GTF2E2: variants seen among roughly 807,000 people sequenced by gnomAD.
The protein encoded by GTF2E2 is general transcription factor IIE subunit 2.
GTF2E2 carries 21 observed loss-of-function variants against 40.5 expected under a neutral mutation model. The observed-to-expected ratio is 0.52, with a 90% CI of 0.37 to 0.75. The LOEUF (loss-of-function observed/expected upper bound fraction) is 0.75, where lower values mean the gene tolerates loss of function less well. GTF2E2 is among the 30% of genes least tolerant of loss of function. GTF2E2 has a pLI of 0.00. For missense variants in GTF2E2, 298 were observed against 338.4 expected (o/e 0.88, Z 0.94); for synonymous variants, 117 against 121.6 (o/e 0.96, Z 0.25).
chr8:30,582,020 A>T (rs930844982), intron 6 of GTF2E2, among the ~76,000 whole-genome samples: 1 of 152,120 alleles, frequency 6.6e-6, no homozygotes, highest in East Asian at 1.9e-4. Flanking sequence ...TTTAAAATTT[A>T]TTTATTTTTG....
intron 3 of GTF2E2, among the ~76,000 whole-genome samples, chr8:30,632,808 T>C (rs185352101): frequency 1.9e-4 from 29 of 152,296 alleles, no homozygotes; most frequent in African/African-American, 6.3e-4. Context: ...ACAGAAGCAT[T>C]AACTAATGGA....
At chr8:30,623,925 G>A (rs1305945583) in intron 3 of GTF2E2, among the ~76,000 whole-genome samples, 1 of 151,738 alleles carries the variant, frequency 6.6e-6, no homozygotes. Context: ...TTTGTCAGAT[G>A]AGTAGATTGG....
At chr8:30,621,201 C>A (rs1238522827) in intron 3 of GTF2E2, among the ~76,000 whole-genome samples, 2 of 151,912 alleles carry the variant, frequency 1.3e-5, no homozygotes, top group Admixed American at 6.6e-5. Flanking sequence ...CCAACCTAAC[C>A]TGGAAAATAA....
chr8:30,640,413 AAAATGGGAGTAAACATATC>A (rs1206110700), intron 2 of GTF2E2, among the ~76,000 whole-genome samples: 1 of 152,094 alleles, frequency 6.6e-6, no homozygotes, highest in African/African-American at 2.4e-5. Context: ...TAAACATATC[AAAATGGGAGTAAACATATC>A]AAATGGGAGT....
intron 6 of GTF2E2, among the ~76,000 whole-genome samples, chr8:30,595,174 G>A (rs898569133): frequency 1.3e-5 from 2 of 152,086 alleles, no homozygotes; most frequent in African/African-American, 4.8e-5. Context: ...GCCTAGCTTA[G>A]AGTAAGTCAT....
At position 30,622,648 on chromosome 8, in the gene GTF2E2, G is replaced by A. The variant is rs570604323; in HGVS notation, c.259-7933C>T. 2.6e-5 allele frequency among the ~76,000 whole-genome samples: 4 copies of A among 152,122 alleles called. No individual in the cohort carries two copies. The East Asian group carries it at 7.7e-4, about 29-fold the overall frequency. ...CCTGGGAGCACTATGGGAGACTGGG[G>A]CTTATTTCATCCCTACAGCTCGACC... is the stretch of plus-strand genomic sequence containing the variant. On this transcript the variant is annotated intron_variant, in intron 3 of 7. Coordinates refer to ENST00000355904, the MANE Select transcript of GTF2E2 (RefSeq NM_002095.6).
chr8:30,644,587 C>G (rs990336503), intron 2 of GTF2E2: 1 of 152,134 alleles, frequency 6.6e-6, no homozygotes, highest in African/African-American at 2.4e-5. Flanking sequence ...GAAGAATCCA[C>G]AAGGCTAATG....
chr8:30,580,654 C>T (rs139974664), intron 6 of GTF2E2, among the ~76,000 whole-genome samples: 93 of 152,254 alleles, frequency 6.1e-4, no homozygotes, highest in African/African-American at 1.9e-3. Flanking sequence ...ACAATGAAGC[C>T]GCCCTGCTTT....
chr8:30,632,102 C>A (rs1007746322), intron 3 of GTF2E2, among the ~76,000 whole-genome samples: 5 of 152,238 alleles, frequency 3.3e-5, no homozygotes, highest in Middle Eastern at 6.8e-3. Context: ...AGAGTTAAGA[C>A]CCTGTCTCAA....
intron 4 of GTF2E2, among the ~76,000 whole-genome samples, chr8:30,613,334 T>C (rs1183866915): frequency 6.6e-5 from 10 of 152,230 alleles, no homozygotes; most frequent in African/African-American, 2.4e-4. Context: ...ACCTATAATG[T>C]CAGCTTGAGA....
At chr8:30,638,389 A>G (rs1193833543) in intron 2 of GTF2E2, among the ~76,000 whole-genome samples, 1 of 152,202 alleles carries the variant, frequency 6.6e-6, no homozygotes. Context: ...ACAAATTCCT[A>G]TATAGGAATT....
chr8:30,630,903 C>A (rs1008048376), intron 3 of GTF2E2, among the ~76,000 whole-genome samples: 16 of 152,058 alleles, frequency 1.1e-4, no homozygotes, highest in Admixed American at 5.2e-4. Flanking sequence ...CAACCATTCC[C>A]CCTACACCCC....
At chr8:30,587,425 A>G (rs1828713359) in intron 6 of GTF2E2, among the ~76,000 whole-genome samples, 1 of 151,894 alleles carries the variant, frequency 6.6e-6, no homozygotes, top group African/African-American at 2.4e-5. Context: ...AAAAAGAAAA[A>G]AAAATTATAT....
rs747963700 is a variant in GTF2E2 at position 30,635,014 on chromosome 8, T to G, written c.258+18A>C. ...AAAAAGTTAAATAGGACTTTTGCTA[T>G]CTGAGAAAAGTACTTACCTTCATGT... On this transcript the variant is annotated intron_variant, in intron 3 of 7. Transcript: ENST00000355904. 1.4e-6 allele frequency: 2 copies of G among 1,379,422 alleles called. No individual in the cohort carries two copies. The highest frequency in any genetic ancestry group is 3.7e-5 in the Admixed American group (2 of 54,110). The allele number at this position is 1,379,422 out of a possible 1,614,324, so 85.4% of individuals were successfully genotyped here. A position where few individuals can be genotyped will look rare whatever the true frequency, so the allele number is the denominator to read the frequency against.
intron 6 of GTF2E2, among the ~76,000 whole-genome samples, chr8:30,592,061 T>C (rs1828865621): frequency 6.6e-6 from 1 of 152,184 alleles, no homozygotes; most frequent in Admixed American, 6.5e-5. Context: ...GATTTCCTCC[T>C]TGAACCATAG....
chr8:30,644,813 C>T (rs1171550925), intron 2 of GTF2E2, among the ~76,000 whole-genome samples: 1 of 151,104 alleles, frequency 6.6e-6, no homozygotes, highest in Admixed American at 6.6e-5. Context: ...TGCAGTGGCA[C>T]GATCTTAGCT....
intron 3 of GTF2E2, among the ~76,000 whole-genome samples, chr8:30,625,863 T>G (rs1357415314): frequency 6.6e-6 from 1 of 152,162 alleles, no homozygotes; most frequent in East Asian, 1.9e-4. Context: ...CCTCCCAAAG[T>G]GCTAGGATTA....
chr8:30,631,281 C>A (rs1272105329), intron 3 of GTF2E2, among the ~76,000 whole-genome samples: 3 of 152,068 alleles, frequency 2.0e-5, no homozygotes, highest in Non-Finnish European at 4.4e-5. Context: ...CCTCCCAAAG[C>A]GCTGAGAATA....
intron 6 of GTF2E2, among the ~76,000 whole-genome samples, chr8:30,585,993 G>T (rs1204163372): frequency 2.0e-5 from 3 of 152,012 alleles, no homozygotes; most frequent in Non-Finnish European, 4.4e-5. Context: ...GAGGTGGGAA[G>T]AGAGCTTGAA....
Sources: gnomAD v4.1 joint callset for allele counts (sites outside exome capture counted in the v4.1 genomes callset) on GRCh38, gnomAD v4.1.1 for gene constraint, MANE v1.5 for transcripts, NCBI Gene and HGNC (gene_info 2026-07-23, HGNC 2026-07-21) for gene names.